The following LARGE1 variants were observed in gnomAD, a reference collection of about 807,000 sequenced individuals.
LARGE1 encodes the protein xylosyl- and glucuronyltransferase LARGE1.
LARGE1 carries 43 observed loss-of-function variants against 87.6 expected under a neutral mutation model. The ratio of observed to expected loss-of-function variants is 0.49; its 90% CI spans 0.38 to 0.63. LARGE1 has a LOEUF of 0.63. LARGE1 is among the 30% of genes least tolerant of loss of function. The pLI is 0.00. For missense variants in LARGE1, 802 were observed against 1,000.2 expected (o/e 0.80, Z 2.67); for synonymous variants, 434 against 394.6 (o/e 1.10, Z -1.18).
intron 2 of LARGE1, among the ~76,000 whole-genome samples, chr22:33,657,754 G>A (rs1051639995): frequency 2.0e-5 from 3 of 151,904 alleles, no homozygotes; most frequent in Non-Finnish European, 4.4e-5. Context: ...TTTCCACCAC[G>A]TTTGCAGTCT....
intron 11 of LARGE1, among the ~76,000 whole-genome samples, chr22:33,186,750 T>A (rs2146180550): frequency 6.6e-6 from 1 of 152,276 alleles, no homozygotes; most frequent in Non-Finnish European, 1.5e-5. Flanking sequence ...AAAGTAAAAA[T>A]CTATTAGACT....
intron 1 of LARGE1, among the ~76,000 whole-genome samples, chr22:33,814,274 T>C (rs1172988885): frequency 1.3e-5 from 2 of 152,114 alleles, no homozygotes; most frequent in Non-Finnish European, 2.9e-5. Flanking sequence ...GCTAAGACAC[T>C]GAGCACATGT....
chr22:33,745,159 G>C (rs2084034095), intron 2 of LARGE1, among the ~76,000 whole-genome samples: 1 of 152,178 alleles, frequency 6.6e-6, no homozygotes, highest in South Asian at 2.1e-4. Flanking sequence ...TCTTTCTGAT[G>C]ACTACCTGTC....
chr22:33,677,893 G>A (rs1247058875), intron 2 of LARGE1, among the ~76,000 whole-genome samples: 2 of 152,168 alleles, frequency 1.3e-5, no homozygotes, highest in South Asian at 2.1e-4. Context: ...GATGGAACGC[G>A]GTCCTCCAGT....
At chr22:33,380,987 G>A (rs1174822623) in intron 9 of LARGE1, among the ~76,000 whole-genome samples, 1 of 152,128 alleles carries the variant, frequency 6.6e-6, no homozygotes, top group Non-Finnish European at 1.5e-5. Context: ...GTAATCATAC[G>A]GGCTTAGTCA....
At chr22:33,388,027 GCACATAATAA>G (rs1453419804) in intron 7 of LARGE1, among the ~76,000 whole-genome samples, 1 of 152,142 alleles carries the variant, frequency 6.6e-6, no homozygotes, top group Non-Finnish European at 1.5e-5. Context: ...TATCCTCTAT[GCACATAATAA>G]CACATGGTAT....
At chr22:33,236,624 T>G (rs776359267) in intron 11 of LARGE1, among the ~76,000 whole-genome samples, 8 of 152,224 alleles carry the variant, frequency 5.3e-5, no homozygotes, top group Non-Finnish European at 1.2e-4. Flanking sequence ...CAGCAGGATG[T>G]AAACATTGAA....
At chr22:33,910,009 T>C (rs2065581426) in intron 1 of LARGE1, among the ~76,000 whole-genome samples, 1 of 152,106 alleles carries the variant, frequency 6.6e-6, no homozygotes, top group South Asian at 2.1e-4. Flanking sequence ...CTCCTTTGAG[T>C]TTGAGAAGCT....
rs200154109 is a variant in LARGE1 at position 33,252,627 on chromosome 22, CTTTTAAG to C, written c.1730+51595_1730+51601del. ...GGAATTGAGTCGTTTATTTTTCTTC[CTTTTAAG>C]TTTTAACATTCTAACATTTGCCCAA... On this transcript the variant is annotated intron_variant, in intron 11 of 11. Transcript: ENST00000608642. Among the ~76,000 whole-genome samples the C allele has an allele frequency of 1.2e-4, 18 of 151,528 alleles. No individual in the cohort carries two copies. In the East Asian group the frequency reaches 3.6e-3, roughly 30 times the overall value.
chr22:33,580,463 C>T (rs982652352), intron 5 of LARGE1, among the ~76,000 whole-genome samples: 1 of 151,912 alleles, frequency 6.6e-6, no homozygotes, highest in Non-Finnish European at 1.5e-5. Context: ...AGCAGAGGAC[C>T]TTACAGAATC....
intron 2 of LARGE1, chr22:33,743,003 T>C (rs2083943495): frequency 6.6e-6 from 1 of 152,102 alleles, no homozygotes; most frequent in Non-Finnish European, 1.5e-5. Flanking sequence ...TTTAGCACCA[T>C]TCTCTTGGTG....
chr22:33,241,257 A>G (rs1926499079), intron 11 of LARGE1, among the ~76,000 whole-genome samples: 2 of 152,020 alleles, frequency 1.3e-5, no homozygotes, highest in Admixed American at 6.6e-5. Flanking sequence ...ACATCCTGTT[A>G]CTGCTGCTTG....
At chr22:33,458,886 G>C (rs893032724) in intron 6 of LARGE1, among the ~76,000 whole-genome samples, 4 of 151,882 alleles carry the variant, frequency 2.6e-5, no homozygotes, top group African/African-American at 9.7e-5. Context: ...TATCCATTAG[G>C]GTCTTTCAGA....
chr22:33,098,351 G>T, the LARGE1 span, among the ~76,000 whole-genome samples: 1 of 152,176 alleles, frequency 6.6e-6, no homozygotes, highest in African/African-American at 2.4e-5. Flanking sequence ...CGGGCGCAGT[G>T]GCTCAAGCCT....
rs544366811 is a variant in LARGE1, at chr22:33,200,244, T to C, written c.1731-33412A>G. ...TCCAGCAGGGAGAGACAGATAAATATAGTAAATAAGTAAATTATATAGAAC... is the reference window on the plus strand; with the variant it reads ...TCCAGCAGGGAGAGACAGATAAATACAGTAAATAAGTAAATTATATAGAAC... On this transcript the variant is annotated intron_variant, in intron 11 of 11. Transcript: ENST00000608642. Among the ~76,000 whole-genome samples the C allele has an allele frequency of 2.6e-5, 4 of 152,278 alleles. No homozygotes were observed. In the South Asian group the frequency reaches 8.3e-4, roughly 32 times the overall value.
chr22:33,687,343 C>G (rs2081975046), intron 2 of LARGE1, among the ~76,000 whole-genome samples: 2 of 151,720 alleles, frequency 1.3e-5, no homozygotes, highest in Admixed American at 6.6e-5. Context: ...TAAAATCCTA[C>G]TCTCCATCCG....
chr22:33,693,885 C>T (rs771283904), intron 2 of LARGE1, among the ~76,000 whole-genome samples: 13 of 152,116 alleles, frequency 8.5e-5, no homozygotes, highest in Admixed American at 1.3e-4. Context: ...CCCAGAAGCA[C>T]GCTGTAGGGT....
intron 1 of LARGE1, among the ~76,000 whole-genome samples, chr22:33,873,667 C>T (rs2064374913): frequency 1.3e-5 from 2 of 152,148 alleles, no homozygotes; most frequent in South Asian, 4.1e-4. Flanking sequence ...CCAAAACACC[C>T]CATCACCAAT....
At chr22:33,573,555 T>C (rs1459404976) in intron 5 of LARGE1, among the ~76,000 whole-genome samples, 2 of 152,158 alleles carry the variant, frequency 1.3e-5, no homozygotes, top group Non-Finnish European at 2.9e-5. Flanking sequence ...CACCTTAATA[T>C]GGGGCAGGTA....
Sources: allele counts gnomAD v4.1 joint callset (sites outside exome capture counted in the v4.1 genomes callset), GRCh38; gene constraint gnomAD v4.1.1; transcripts MANE v1.5; gene names NCBI Gene and HGNC (gene_info 2026-07-23, HGNC 2026-07-21).